Variants in ERC2 observed in about 807,000 individuals in gnomAD.
The protein encoded by ERC2 is ERC protein 2.
ERC2 carries 42 observed loss-of-function variants against 114.8 expected under a neutral mutation model. That is an observed-to-expected ratio of 0.37 (90% confidence interval 0.29 to 0.47). The LOEUF (loss-of-function observed/expected upper bound fraction) is 0.47. Among genes scored for constraint, ERC2 ranks in the 20% least tolerant of loss-of-function variants. The pLI is 0.99. For synonymous variants in ERC2, 454 were observed against 425.5 expected (o/e 1.07, Z -0.82); for missense variants, 939 against 1,150.7 (o/e 0.82, Z 2.66).
rs1333347185 is a variant in ERC2, at chr3:56,296,141, G to A, written c.952C>T (p.Pro318Ser). The A allele has an allele frequency of 1.9e-6, 3 of 1,613,856 alleles. No individual in the cohort carries two copies. Among genetic ancestry groups the A allele is most frequent in the Non-Finnish European group, 2.5e-6 (3 of 1,179,876 alleles). ...LLEMLQSKGLPSKSLEDDNER... is the reference protein window; with the variant it reads ...LLEMLQSKGLSSKSLEDDNER... The stretch of plus-strand genomic sequence containing the variant: ...TTGTCATCCTCCAGGCTTTTGGATG[G>A]CAAGCCTTTACTTTGCAACATCTCA... Residue 318 changes from proline (P) to serine (S), a missense_variant, in exon 3 of 18, where the codon CCA (proline) becomes TCA (serine). Physicochemically the swap from Pro to Ser is moderately conservative, Grantham distance 74 (BLOSUM62 -1). Around this residue, in one of 5 missense-constraint regions of ERC2, gnomAD observed 148 missense variants for 159.1 expected, o/e 0.93. Transcript: ENST00000288221.
chr3:55,832,695 G>A (rs1483817457), intron 14 of ERC2, among the ~76,000 whole-genome samples: 1 of 152,218 alleles, frequency 6.6e-6, no homozygotes, highest in African/African-American at 2.4e-5. Context: ...CTAAAAAGCA[G>A]AGCGCCTCTC....
At chr3:56,081,378 C>T (rs894862988) in intron 6 of ERC2, among the ~76,000 whole-genome samples, 8 of 151,992 alleles carry the variant, frequency 5.3e-5, no homozygotes, top group Admixed American at 2.0e-4. Context: ...TCCTGAAATA[C>T]GGAGAACACA....
chr3:56,372,870 T>C (rs1018066238), intron 2 of ERC2, among the ~76,000 whole-genome samples: 7 of 152,240 alleles, frequency 4.6e-5, no homozygotes, highest in African/African-American at 1.7e-4. Flanking sequence ...CATATTTGAC[T>C]GACCACCTAA....
At chr3:56,270,730 A>C (rs1245008907) in intron 3 of ERC2, among the ~76,000 whole-genome samples, 1 of 152,246 alleles carries the variant, frequency 6.6e-6, no homozygotes. Flanking sequence ...CTGTAATCCC[A>C]GCACTTTGGG....
intron 17 of ERC2, among the ~76,000 whole-genome samples, chr3:55,650,005 AGCCCTTCCACT>A (rs1018088504): frequency 6.6e-6 from 1 of 152,222 alleles, no homozygotes; most frequent in Non-Finnish European, 1.5e-5. Context: ...ATCCCGGCTC[AGCCCTTCCACT>A]GCCCTTGCTG....
At chr3:56,080,059 G>T (rs905525475) in intron 7 of ERC2, among the ~76,000 whole-genome samples, 1 of 152,122 alleles carries the variant, frequency 6.6e-6, no homozygotes, top group Non-Finnish European at 1.5e-5. Flanking sequence ...TCATCTGTGA[G>T]CCTTGTATCT....
chr3:55,811,788 T>C (rs1450183278), intron 14 of ERC2, among the ~76,000 whole-genome samples: 7 of 152,226 alleles, frequency 4.6e-5, no homozygotes, highest in African/African-American at 1.7e-4. Context: ...TAGCATTCTA[T>C]TCTCACCCTA....
chr3:55,980,409 CAG>C (rs1559967964), intron 12 of ERC2, among the ~76,000 whole-genome samples: 1 of 152,166 alleles, frequency 6.6e-6, no homozygotes, highest in African/African-American at 2.4e-5. Context: ...TGACACTACA[CAG>C]TGTGGAAATT....
intron 2 of ERC2, among the ~76,000 whole-genome samples, chr3:56,409,556 G>T (rs2060861612): frequency 6.6e-6 from 1 of 151,634 alleles, no homozygotes; most frequent in African/African-American, 2.4e-5. Context: ...CAAAGGGCTG[G>T]TGATATTTAA....
intron 6 of ERC2, among the ~76,000 whole-genome samples, chr3:56,103,035 T>C (rs1035169516): frequency 1.3e-5 from 2 of 152,094 alleles, no homozygotes; most frequent in South Asian, 4.2e-4. Flanking sequence ...TCCCAATAAA[T>C]GTTGGTTACC....
At chr3:56,428,200 TAGAAC>T (rs2061646039) in intron 2 of ERC2, among the ~76,000 whole-genome samples, 1 of 152,126 alleles carries the variant, frequency 6.6e-6, no homozygotes, top group Admixed American at 6.5e-5. Flanking sequence ...AGTATTTTAA[TAGAAC>T]ATAGTTGAAT....
chr3:56,331,431 T>C (rs904823866), intron 2 of ERC2, among the ~76,000 whole-genome samples: 2 of 152,168 alleles, frequency 1.3e-5, no homozygotes, highest in Non-Finnish European at 2.9e-5. Flanking sequence ...CTCTCCCCCA[T>C]TACAATACCC....
chr3:55,753,129 C>T (rs1480637655), intron 14 of ERC2, among the ~76,000 whole-genome samples: 9 of 152,220 alleles, frequency 5.9e-5, no homozygotes, highest in Middle Eastern at 3.4e-3. Context: ...CTTCAGAACT[C>T]GGTGGGCAGA....
chr3:55,877,766 G>A (rs75592981), intron 14 of ERC2, among the ~76,000 whole-genome samples: 3,305 of 152,130 alleles, frequency 0.022, 119 homozygotes, highest in African/African-American at 0.076. Context: ...ACTGGCCTCA[G>A]CCTCCCAAAG....
chr3:55,907,760 A>G (rs1336571914), intron 13 of ERC2, among the ~76,000 whole-genome samples: 1 of 152,206 alleles, frequency 6.6e-6, no homozygotes, highest in African/African-American at 2.4e-5. Context: ...GCATTTGTAG[A>G]TTGGAGATAA....
intron 14 of ERC2, among the ~76,000 whole-genome samples, chr3:55,819,271 C>A (rs1016193450): frequency 1.3e-5 from 2 of 152,166 alleles, no homozygotes; most frequent in African/African-American, 4.8e-5. Context: ...CATGGCAAAA[C>A]CTCGACTTGT....
chr3:56,086,443 C>T (rs959426405), intron 6 of ERC2, among the ~76,000 whole-genome samples: 1 of 151,378 alleles, frequency 6.6e-6, no homozygotes, highest in African/African-American at 2.4e-5. Flanking sequence ...TTTCAATCAC[C>T]TTCACTCTGT....
chr3:56,395,202 A>G (rs1560741947), intron 2 of ERC2, among the ~76,000 whole-genome samples: 1 of 152,174 alleles, frequency 6.6e-6, no homozygotes, highest in Non-Finnish European at 1.5e-5. Context: ...CAAACTAATT[A>G]TAGTGATAGT....
chr3:56,341,034 A>C (rs1446043152), intron 2 of ERC2, among the ~76,000 whole-genome samples: 1 of 152,202 alleles, frequency 6.6e-6, no homozygotes, highest in Non-Finnish European at 1.5e-5. Context: ...CCAGAAGTTG[A>C]TCCTTCTTCC....
Sources: gnomAD v4.1 joint callset for allele counts (sites outside exome capture counted in the v4.1 genomes callset) on GRCh38, gnomAD v4.1.1 for gene constraint, gnomAD v4.1.1 regional missense constraint, MANE v1.5 for transcripts, NCBI Gene and HGNC (gene_info 2026-07-23, HGNC 2026-07-21) for gene names.